MECOM: variants seen among roughly 807,000 people sequenced by gnomAD.
MECOM encodes MDS1 and EVI1 complex locus, also known as histone-lysine N-methyltransferase MECOM.
A neutral mutation model predicts 116.3 loss-of-function variants in MECOM; 13 were observed. The observed-to-expected ratio is 0.11, with a 90% CI of 0.07 to 0.18. MECOM has a LOEUF of 0.18. MECOM is among the 10% of genes least tolerant of loss of function. The pLI is 1.00. For missense variants in MECOM, 1,299 were observed against 1,509.0 expected, an observed-to-expected ratio of 0.86 and a Z score of 2.31; for synonymous variants, 528 against 535.2, an observed-to-expected ratio of 0.99 and a Z score of 0.19.
chr3:169,538,312 C>A (rs1240102526), intron 1 of MECOM, among the ~76,000 whole-genome samples: 1 of 152,122 alleles, frequency 6.6e-6, no homozygotes, highest in Non-Finnish European at 1.5e-5. Context: ...GGATTGGGCC[C>A]AAGGTATACT....
At chr3:169,316,172 T>A (rs991627587) in intron 2 of MECOM, among the ~76,000 whole-genome samples, 6 of 152,234 alleles carry the variant, frequency 3.9e-5, no homozygotes, top group Admixed American at 2.0e-4. Context: ...ATGGATGGCA[T>A]CCACTGTTTA....
chr3:169,608,517 G>T (rs6782503), intron 1 of MECOM, among the ~76,000 whole-genome samples: 1 of 152,082 alleles, frequency 6.6e-6, no homozygotes, highest in African/African-American at 2.4e-5. Flanking sequence ...CTCCTAAAGC[G>T]AGTCTTGGTG....
intron 2 of MECOM, among the ~76,000 whole-genome samples, chr3:169,303,506 G>A (rs540973446): frequency 5.9e-5 from 9 of 152,296 alleles, no homozygotes; most frequent in African/African-American, 1.7e-4. Flanking sequence ...AAGCGGTAGT[G>A]TAAAGATGTG....
At chr3:169,182,919 G>C (rs1156873497) in intron 2 of MECOM, among the ~76,000 whole-genome samples, 1 of 152,136 alleles carries the variant, frequency 6.6e-6, no homozygotes, top group Non-Finnish European at 1.5e-5. Context: ...AGCTTGTTGA[G>C]ATTGAGCAGA....
At chr3:169,147,712 T>TG (rs1364745706) in intron 2 of MECOM, 1 of 962,768 alleles carries the variant, frequency 1.0e-6, no homozygotes, top group African/African-American at 2.2e-5. Flanking sequence ...AAAGCACAAG[T>TG]GTGGTGTGTG....
At chr3:169,590,607 T>C (rs1766295080) in intron 1 of MECOM, among the ~76,000 whole-genome samples, 1 of 152,252 alleles carries the variant, frequency 6.6e-6, no homozygotes, top group Non-Finnish European at 1.5e-5. Context: ...TCAGGCACCA[T>C]GCTAGGTACT....
intron 1 of MECOM, among the ~76,000 whole-genome samples, chr3:169,628,724 T>G (rs529456447): frequency 6.6e-6 from 1 of 152,270 alleles, no homozygotes; most frequent in East Asian, 1.9e-4. Context: ...GATAACAAGT[T>G]CTCTGGGTCT....
At position 169,557,514 on chromosome 3, in the gene MECOM, C is replaced by A. The variant is rs1374308678; in HGVS notation, c.37+105822G>T. Among the ~76,000 whole-genome samples the A allele has an allele frequency of 2.0e-5, 3 of 152,184 alleles. No individual in the cohort carries two copies. In the East Asian group the frequency reaches 5.8e-4, roughly 29 times the overall value. On this transcript the variant is annotated intron_variant, in intron 1 of 16. Coordinates refer to ENST00000651503, the MANE Select transcript of MECOM (RefSeq NM_004991.4). ...GATTTGCCTTAAAGGGCCAGGCAACCTGAAGCTTTTCAACAAAAACAACTC... is the reference window on the plus strand; with the variant it reads ...GATTTGCCTTAAAGGGCCAGGCAACATGAAGCTTTTCAACAAAAACAACTC...
At chr3:169,653,462 G>T (rs1775164958) in intron 1 of MECOM, among the ~76,000 whole-genome samples, 1 of 152,156 alleles carries the variant, frequency 6.6e-6, no homozygotes, top group African/African-American at 2.4e-5. Flanking sequence ...TAACATAGAA[G>T]TCATATCTCC....
At chr3:169,530,562 T>G (rs771517957) in intron 1 of MECOM, among the ~76,000 whole-genome samples, 4 of 152,104 alleles carry the variant, frequency 2.6e-5, no homozygotes, top group Non-Finnish European at 4.4e-5. Flanking sequence ...CCCTCAGAGC[T>G]GCACCAGGGC....
chr3:169,206,623 G>T (rs1379702046), intron 2 of MECOM, among the ~76,000 whole-genome samples: 6 of 151,916 alleles, frequency 3.9e-5, no homozygotes, highest in African/African-American at 1.4e-4. Flanking sequence ...CATGGGGGCG[G>T]GTGCCTATAA....
At chr3:169,626,469 C>T (rs1047901180) in intron 1 of MECOM, among the ~76,000 whole-genome samples, 2 of 152,186 alleles carry the variant, frequency 1.3e-5, no homozygotes, top group African/African-American at 2.4e-5. Context: ...GGAAATGTCA[C>T]ATCTGTAACT....
At chr3:169,183,815 CACACAT>C (rs1259042715) in intron 2 of MECOM, among the ~76,000 whole-genome samples, 47 of 53,112 alleles carry the variant, frequency 8.8e-4, no homozygotes, top group African/African-American at 3.0e-3. Flanking sequence ...CACACACACA[CACACAT>C]ATATATATAT....
At chr3:169,519,425 C>T (rs1171788199) in intron 1 of MECOM, among the ~76,000 whole-genome samples, 2 of 152,166 alleles carry the variant, frequency 1.3e-5, no homozygotes, top group Middle Eastern at 3.2e-3. Context: ...CATTTAAATA[C>T]ACAAAATTGT....
intron 2 of MECOM, among the ~76,000 whole-genome samples, chr3:169,366,766 A>T (rs1332277667): frequency 6.6e-6 from 1 of 152,034 alleles, no homozygotes; most frequent in African/African-American, 2.4e-5. Context: ...TTGCCATGCC[A>T]TGCACACCTG....
At chr3:169,296,460 T>C (rs1183117139) in intron 2 of MECOM, among the ~76,000 whole-genome samples, 1 of 152,202 alleles carries the variant, frequency 6.6e-6, no homozygotes, top group African/African-American at 2.4e-5. Context: ...ATGATTATGT[T>C]GTATTGTGGA....
intron 2 of MECOM, among the ~76,000 whole-genome samples, chr3:169,144,245 T>C (rs1739026733): frequency 8.5e-6 from 1 of 117,704 alleles, no homozygotes; most frequent in African/African-American, 3.4e-5. Flanking sequence ...GCACTTTAAT[T>C]TAAAAACTTC....
chr3:169,553,567 CT>C (rs1399660669), intron 1 of MECOM, among the ~76,000 whole-genome samples: 1 of 152,186 alleles, frequency 6.6e-6, no homozygotes, highest in Non-Finnish European at 1.5e-5. Context: ...TTTTCCTGGG[CT>C]CATAGGTAGA....
intron 3 of MECOM, among the ~76,000 whole-genome samples, chr3:169,139,844 C>T (rs1045348502): frequency 3.4e-4 from 52 of 151,726 alleles, no homozygotes; most frequent in Non-Finnish European, 7.2e-4. Context: ...GAGGTGAGAA[C>T]AGGGTGAGAC....
Sources: gnomAD v4.1 joint callset for allele counts (sites outside exome capture counted in the v4.1 genomes callset) on GRCh38, gnomAD v4.1.1 for gene constraint, MANE v1.5 for transcripts, NCBI Gene and HGNC (gene_info 2026-07-23, HGNC 2026-07-21) for gene names.